The following NHSL1 variants were observed in gnomAD, a reference collection of about 807,000 sequenced individuals.
The protein encoded by NHSL1 is NHS like 1.
In NHSL1, 48 loss-of-function variants were observed where a neutral mutation model predicts 95.0. That is an observed-to-expected ratio of 0.51 (90% CI 0.40 to 0.64). The LOEUF (loss-of-function observed/expected upper bound fraction) is 0.64, where lower values mean the gene tolerates loss of function less well. Among genes scored for constraint, NHSL1 ranks in the 30% least tolerant of loss-of-function variants. NHSL1 has a pLI of 0.00. For missense variants in NHSL1, 1,971 were observed against 2,077.7 expected, an observed-to-expected ratio of 0.95 and a Z score of 1.00; for synonymous variants, 783 against 833.9, an observed-to-expected ratio of 0.94 and a Z score of 1.05.
At chr6:138,533,046 T>C (rs530286658) in intron 1 of NHSL1, among the ~76,000 whole-genome samples, 1 of 152,304 alleles carries the variant, frequency 6.6e-6, no homozygotes, top group African/African-American at 2.4e-5. Flanking sequence ...GCACTCTGAC[T>C]TGGGGTCTTG....
At chr6:138,685,624 G>A (rs1269248460) in intron 1 of NHSL1, among the ~76,000 whole-genome samples, 3 of 152,226 alleles carry the variant, frequency 2.0e-5, no homozygotes, top group African/African-American at 7.2e-5. Flanking sequence ...GCCAAGGTGG[G>A]AGGATTGCTT....
intron 1 of NHSL1, among the ~76,000 whole-genome samples, chr6:138,682,154 A>G (rs1006034543): frequency 2.6e-5 from 4 of 152,038 alleles, no homozygotes; most frequent in Non-Finnish European, 5.9e-5. Context: ...TTGTATTTTT[A>G]GTAGATATGG....
chr6:138,585,976 A>G (rs984670115), intron 1 of NHSL1, among the ~76,000 whole-genome samples: 2 of 152,100 alleles, frequency 1.3e-5, no homozygotes, highest in Non-Finnish European at 2.9e-5. Context: ...ACTTGAGCCC[A>G]GGAGTTCAAG....
chr6:138,520,410 C>T (rs1036392342), intron 1 of NHSL1, among the ~76,000 whole-genome samples: 1 of 150,556 alleles, frequency 6.6e-6, no homozygotes, highest in Non-Finnish European at 1.5e-5. Flanking sequence ...TGCCCTCCAC[C>T]TTCCAAGTAG....
intron 1 of NHSL1, among the ~76,000 whole-genome samples, chr6:138,674,745 G>A (rs1264487981): frequency 1.3e-5 from 2 of 152,100 alleles, no homozygotes; most frequent in African/African-American, 2.4e-5. Context: ...TTGACTCCAT[G>A]TCTTTGCTAT....
In NHSL1 at chr6:138,496,272, C is replaced by CA; in HGVS notation, c.157dup (p.Cys53LeufsTer3). The CA allele has an allele frequency of 6.4e-7, 1 of 1,550,994 alleles. No individual in the cohort carries two copies. Among genetic ancestry groups the CA allele is most frequent in the Non-Finnish European group, 8.7e-7 (1 of 1,146,848 alleles). On this transcript the variant is annotated frameshift_variant, in exon 2 of 8. Coordinates refer to ENST00000343505, the MANE Select transcript of NHSL1 (RefSeq NM_001144060.2). LOFTEE classifies it high-confidence loss of function. Reference sequence around the variant, plus strand: ...GGCTTGGCGGTGCAGGTCCTCAACACAGGGGGGTCTTGTGGTGGGAAGGAA... The same window carrying CA: ...GGCTTGGCGGTGCAGGTCCTCAACACAAGGGGGGTCTTGTGGTGGGAAGGAA...
intron 1 of NHSL1, among the ~76,000 whole-genome samples, chr6:138,640,558 A>G (rs994209430): frequency 1.3e-5 from 2 of 152,156 alleles, no homozygotes; most frequent in African/African-American, 4.8e-5. Context: ...ACTAATGAAT[A>G]GTAAATATAT....
intron 7 of NHSL1, among the ~76,000 whole-genome samples, chr6:138,427,201 C>A (rs1775321011): frequency 6.6e-6 from 1 of 152,140 alleles, no homozygotes; most frequent in Non-Finnish European, 1.5e-5. Context: ...AAACTATGAC[C>A]TTTAATTGTA....
chr6:138,570,588 A>G (rs1442043921), intron 1 of NHSL1, among the ~76,000 whole-genome samples: 1 of 152,258 alleles, frequency 6.6e-6, no homozygotes, highest in Non-Finnish European at 1.5e-5. Flanking sequence ...CTCTTGTGCC[A>G]TAGTTTAACA....
chr6:138,646,779 C>G lies in NHSL1; in HGVS notation c.96+45697G>C, dbSNP rs149382160. 1.8e-3 allele frequency among the ~76,000 whole-genome samples: 267 copies of G among 152,292 alleles called. 3 individuals carry two copies. Among genetic ancestry groups the G allele is most frequent in the East Asian group, 0.015 (76 of 5,188 alleles). On this transcript the variant is annotated intron_variant, in intron 1 of 3. Transcript: ENST00000491526. ...GGTTTACAGTCATGAGCAAATGAAACGTGACTCTGCTCTCCTGCAGCTTAC... is the reference window on the plus strand; with the variant it reads ...GGTTTACAGTCATGAGCAAATGAAAGGTGACTCTGCTCTCCTGCAGCTTAC...
At chr6:138,673,401 G>C (rs1785407439) in intron 1 of NHSL1, among the ~76,000 whole-genome samples, 1 of 150,018 alleles carries the variant, frequency 6.7e-6, no homozygotes, top group Non-Finnish European at 1.5e-5. Context: ...TAAGTGACTA[G>C]AACAGTTTCC....
chr6:138,516,934 C>T (rs1312751313), intron 1 of NHSL1, among the ~76,000 whole-genome samples: 1 of 152,120 alleles, frequency 6.6e-6, no homozygotes, highest in Admixed American at 6.6e-5. Flanking sequence ...TGCATCCAGG[C>T]AACATGAAAG....
chr6:138,445,302 A>G (rs1776795698), intron 4 of NHSL1, among the ~76,000 whole-genome samples: 1 of 152,210 alleles, frequency 6.6e-6, no homozygotes, highest in African/African-American at 2.4e-5. Flanking sequence ...TTTCTGCTGC[A>G]TTTAATCAAT....
At position 138,432,804 on chromosome 6, in the gene NHSL1, T is replaced by A; in HGVS notation, c.1541A>T (p.Gln514Leu). The change falls in exon 6 of 8, where the codon CAA becomes CTA. Residue 514 changes from glutamine to leucine, a missense_variant. By Grantham distance (113) the Gln-to-Leu change is moderately radical (BLOSUM62 -2). Transcript: ENST00000343505. The surrounding 1 kb of genome is among the most constrained non-coding windows in gnomAD (Gnocchi z 4.4). ...NAPANRENGS[Q>L]AMPYNCRNNL... ...GTTTCTACAATTATACGGCATAGCT[T>A]GGGACCCATTCTCCCTATTTGCTGG... 1 of 1,551,696 alleles carries A rather than the reference T, an allele frequency of 6.4e-7. No individual in the cohort carries two copies. The highest frequency in any genetic ancestry group is 1.2e-5 in the South Asian group (1 of 84,054).
upstream of NHSL1, among the ~76,000 whole-genome samples, chr6:138,575,059 C>T (rs757180379): frequency 1.7e-4 from 26 of 152,078 alleles, no homozygotes; most frequent in Non-Finnish European, 2.9e-4. Context: ...GCCACCACAC[C>T]CAGCTAATTT....
chr6:138,625,915 A>C (rs1421922285), intron 1 of NHSL1, among the ~76,000 whole-genome samples: 2 of 152,194 alleles, frequency 1.3e-5, no homozygotes, highest in Non-Finnish European at 2.9e-5. Flanking sequence ...AGTGCTGGGA[A>C]TACAGGTGTG....
At chr6:138,648,936 C>T (rs534860658) in intron 1 of NHSL1, among the ~76,000 whole-genome samples, 45 of 152,140 alleles carry the variant, frequency 3.0e-4, no homozygotes, top group Admixed American at 2.8e-3. Context: ...ATCTGAACAG[C>T]ATTAGTATAA....
At chr6:138,554,424 C>T (rs1301504615) in intron 1 of NHSL1, among the ~76,000 whole-genome samples, 2 of 152,132 alleles carry the variant, frequency 1.3e-5, no homozygotes, top group African/African-American at 4.8e-5. Flanking sequence ...ACTTCTCCAC[C>T]CACAAAATCA....
chr6:138,592,529 G>C (rs1204678461), intron 1 of NHSL1, among the ~76,000 whole-genome samples: 2 of 152,146 alleles, frequency 1.3e-5, no homozygotes, highest in African/African-American at 2.4e-5. Context: ...TTGAACCCAG[G>C]AGGTGGAGGC....
Sources: gnomAD v4.1 joint callset for allele counts (sites outside exome capture counted in the v4.1 genomes callset) on GRCh38, gnomAD v4.1.1 for gene constraint, Gnocchi (gnomAD v3.1) non-coding constraint, MANE v1.5 for transcripts, NCBI Gene and HGNC (gene_info 2026-07-23, HGNC 2026-07-21) for gene names.